RAB3GAP2: variants seen among roughly 807,000 people sequenced by gnomAD.
The protein encoded by RAB3GAP2 is RAB3 GTPase activating non-catalytic protein subunit 2, also known as rab3 GTPase-activating protein non-catalytic subunit.
A neutral mutation model predicts 185.3 loss-of-function variants in RAB3GAP2; 87 were observed. That is an observed-to-expected ratio of 0.47 (90% CI 0.39 to 0.56). RAB3GAP2 has a LOEUF of 0.56. RAB3GAP2 is among the 20% of genes least tolerant of loss of function. The pLI is 0.00. For missense variants in RAB3GAP2, 1,492 were observed against 1,638.2 expected (o/e 0.91, Z 1.54); for synonymous variants, 554 against 576.1 (o/e 0.96, Z 0.55).
At chr1:220,210,578 A>G (rs953740448) in intron 6 of RAB3GAP2, 89 bp from the exon 7 acceptor site, 3 of 1,111,392 alleles carry the variant, frequency 2.7e-6, no homozygotes, top group Admixed American at 3.4e-5. Context: ...CATTTCCCCA[A>G]CAGTTTTCCA....
rs770096510 is a variant in RAB3GAP2 at position 220,196,262 on chromosome 1, G to T, written c.948C>A (p.Phe316Leu). Reference sequence around the variant, plus strand: ...ATAAAACTCATACCTCTAAAGCATAGAAGAAGCCAGTAAATGGATTGGACC... The same window carrying T: ...ATAAAACTCATACCTCTAAAGCATATAAGAAGCCAGTAAATGGATTGGACC... ...TVGSNPFTGF[F>L]YALEGSTQPL... The change falls in exon 10 of 35, where the codon TTC becomes TTA. Residue 316 changes from phenylalanine to leucine, a missense_variant. By Grantham distance (22) the Phe-to-Leu change is conservative. Coordinates refer to ENST00000358951, the MANE Select transcript of RAB3GAP2 (RefSeq NM_012414.4). 6.2e-7 allele frequency: 1 copy of T among 1,613,244 alleles called. No homozygotes were observed. Among genetic ancestry groups the T allele is most frequent in the Non-Finnish European group, 8.5e-7 (1 of 1,179,342 alleles).
At chr1:220,189,635 T>C (rs2102868834) in intron 17 of RAB3GAP2, 68 bp downstream of exon 17, 2 of 1,411,342 alleles carry the variant, frequency 1.4e-6, no homozygotes, top group Middle Eastern at 1.9e-4. Context: ...AATAGGAAAA[T>C]AAAGATTTTC....
intron 9 of RAB3GAP2, chr1:220,200,583 T>G (rs1448014923): frequency 1.9e-6 from 1 of 530,050 alleles, no homozygotes; most frequent in African/African-American, 1.9e-5. Context: ...AATAATAGTT[T>G]CTATCCAATC....
rs1255369164 is a variant in RAB3GAP2 at position 220,185,646 on chromosome 1, A to T, written c.1870+5T>A. The T allele has an allele frequency of 1.9e-6, 3 of 1,598,068 alleles. No homozygotes were observed. The highest frequency in any genetic ancestry group is 4.5e-5 in the East Asian group (2 of 44,680). ...ATAACCTCCAATCAGTACAAACCCT[A>T]TTACCTTGACTTTTTAAAGTGTCCA... On this transcript the variant is annotated splice_donor_5th_base_variant and intron_variant, in intron 18 of 34. Transcript: ENST00000358951.
At chr1:220,225,104 A>T (rs1030574491) in intron 2 of RAB3GAP2, among the ~76,000 whole-genome samples, 1 of 152,238 alleles carries the variant, frequency 6.6e-6, no homozygotes, top group African/African-American at 2.4e-5. Flanking sequence ...GTTATAAACA[A>T]GAGAAAGGAA....
chr1:220,272,248 G>A lies in RAB3GAP2; in HGVS notation c.90C>T (p.Leu30=). 6.2e-7 allele frequency: 1 copy of A among 1,610,102 alleles called. No individual in the cohort carries two copies. Among genetic ancestry groups the A allele is most frequent in the Non-Finnish European group, 8.5e-7 (1 of 1,178,902 alleles). ...TGGGGTCCCTCCGCAAGGCGCCGCT[G>A]AGGATCTCCTCCCGCAGGTGAGGAA... The part of the protein sequence containing the change: ...FLFPHLREEI[L]SGALRRDPSK... The change falls in exon 1 of 35, where the codon CTC becomes CTT. Residue 30 remains leucine (L), a synonymous_variant. Coordinates refer to ENST00000358951, the MANE Select transcript of RAB3GAP2 (RefSeq NM_012414.4).
At position 220,213,993 on chromosome 1, in the gene RAB3GAP2, T is replaced by C. The variant is rs1237503051; in HGVS notation, c.181-14A>G. The C allele has an allele frequency of 6.2e-7, 1 of 1,612,636 alleles. No homozygotes were observed. Among genetic ancestry groups the C allele is most frequent in the East Asian group, 2.2e-5 (1 of 44,760 alleles). ...TCCTTCTTCTTCCTGTGGGTAAAAC[T>C]ACAATTACTGCATATGCAAAAATAC... On this transcript the variant is annotated splice_polypyrimidine_tract_variant and intron_variant, in intron 2 of 34. Transcript: ENST00000358951.
In RAB3GAP2 at chr1:220,149,744, A is replaced by C. The variant is rs1324295643; in HGVS notation, c.*1507T>G. On this transcript the variant is annotated 3_prime_UTR_variant, in exon 35 of 35. Coordinates refer to ENST00000358951, the MANE Select transcript of RAB3GAP2 (RefSeq NM_012414.4). ...CCATCCCAAATACTCAAGACATCTTAACCATTTATCTTGTAAGATTTCAAG... is the reference window on the plus strand; with the variant it reads ...CCATCCCAAATACTCAAGACATCTTCACCATTTATCTTGTAAGATTTCAAG... 2 of 152,230 alleles carry C rather than the reference A, an allele frequency of 1.3e-5. No individual in the cohort carries two copies. Among genetic ancestry groups the C allele is most frequent in the African/African-American group, 4.8e-5 (2 of 41,450 alleles). The allele number at this position is 152,230 out of a possible 1,614,324, so 9.4% of individuals were successfully genotyped here. A position where few individuals can be genotyped will look rare whatever the true frequency, so the allele number is the denominator to read the frequency against.
At chr1:220,174,208 T>C (rs548380758) in intron 21 of RAB3GAP2, among the ~76,000 whole-genome samples, 1 of 152,212 alleles carries the variant, frequency 6.6e-6, no homozygotes, top group African/African-American at 2.4e-5. Flanking sequence ...TACATGTACA[T>C]ATAAATTTAT....
At chr1:220,173,563 G>T (rs1658218881) in intron 21 of RAB3GAP2, among the ~76,000 whole-genome samples, 1 of 152,234 alleles carries the variant, frequency 6.6e-6, no homozygotes, top group South Asian at 2.1e-4. Flanking sequence ...AGAAGCACAT[G>T]AAAGAAGTGA....
intron 9 of RAB3GAP2, among the ~76,000 whole-genome samples, chr1:220,200,916 A>G (rs1658843701): frequency 6.6e-6 from 1 of 152,194 alleles, no homozygotes; most frequent in African/African-American, 2.4e-5. Flanking sequence ...CAGAGGAGGC[A>G]TTCTAGCCCA....
At chr1:220,223,588 A>G (rs1006514001) in intron 2 of RAB3GAP2, among the ~76,000 whole-genome samples, 4 of 152,136 alleles carry the variant, frequency 2.6e-5, no homozygotes, top group African/African-American at 4.8e-5. Flanking sequence ...GGAGTCAACA[A>G]TTTCAAATAC....
At position 220,190,484 on chromosome 1, in the gene RAB3GAP2, AT is replaced by A; in HGVS notation, c.1523del (p.Asn508IlefsTer25). ...GCTGCCAACTCTGACTGGTAACATTATTTAAACCCATTATTTTATAGCCAGG... is the reference window on the plus strand; with the variant it reads ...GCTGCCAACTCTGACTGGTAACATTATTAAACCCATTATTTTATAGCCAGG... ...LYPGYKIMGLNNVTSQSWQPQ... is the reference protein window; with the variant it reads ...LYPGYKIMGLXNVTSQSWQPQ... On this transcript the variant is annotated frameshift_variant, in exon 15 of 35. Transcript: ENST00000358951. LOFTEE classifies it high-confidence loss of function. 1 of 1,605,840 alleles carries A rather than the reference AT, an allele frequency of 6.2e-7. No homozygotes were observed. Among genetic ancestry groups the A allele is most frequent in the Non-Finnish European group, 8.5e-7 (1 of 1,172,476 alleles).
intron 21 of RAB3GAP2, among the ~76,000 whole-genome samples, chr1:220,178,173 C>G (rs1342026463): frequency 1.3e-5 from 2 of 151,998 alleles, no homozygotes; most frequent in Non-Finnish European, 2.9e-5. Context: ...AAACTGCCAC[C>G]TAAAAATACT....
At chr1:220,205,172 G>A (rs1427834578) in intron 8 of RAB3GAP2, among the ~76,000 whole-genome samples, 1 of 152,074 alleles carries the variant, frequency 6.6e-6, no homozygotes, top group Non-Finnish European at 1.5e-5. Context: ...TACAATCAAT[G>A]GCATGTTGAA....
At chr1:220,265,720 T>A (rs1660215984) in intron 1 of RAB3GAP2, among the ~76,000 whole-genome samples, 1 of 151,550 alleles carries the variant, frequency 6.6e-6, no homozygotes, top group Admixed American at 6.6e-5. Context: ...AGCCCAGGAG[T>A]TCAAGACCTG....
rs775556865 is a variant in RAB3GAP2, at chr1:220,212,945, C to T, written c.328G>A (p.Gly110Arg). ...ACAGCAAATTGCATTTCTTCCTTTCCTTTATCACTATATTTCCATTTTGCT... is the reference window on the plus strand; with the variant it reads ...ACAGCAAATTGCATTTCTTCCTTTCTTTTATCACTATATTTCCATTTTGCT... ...LVPKWKYSDK[G>R]KEEMQFAVGW... is the part of the protein sequence containing the mutation. Residue 110 changes from glycine (G) to arginine (R), a missense_variant, in exon 4 of 35, where the codon GGA becomes AGA. Gly to Arg is a moderately radical substitution (Grantham distance 125). This residue lies in a region of RAB3GAP2 where 177 missense variants were observed against 160.6 expected (regional missense o/e 1.10). Transcript: ENST00000358951. The T allele has an allele frequency of 9.9e-6, 16 of 1,612,474 alleles. No homozygotes were observed. Among genetic ancestry groups the T allele is most frequent in the Non-Finnish European group, 1.4e-5 (16 of 1,178,884 alleles).
At position 220,189,890 on chromosome 1, in the gene RAB3GAP2, TTAA is replaced by T. The variant is rs1218574262; in HGVS notation, c.1715-126_1715-124del. 8 of 1,087,076 alleles carry T rather than the reference TTAA, an allele frequency of 7.4e-6. No homozygotes were observed. The African/African-American group carries it at 8.0e-5, about 11-fold the overall frequency. The allele number at this position is 1,087,076 out of a possible 1,614,324, so 67.3% of individuals were successfully genotyped here. A position where few individuals can be genotyped will look rare whatever the true frequency, so the allele number is the denominator to read the frequency against. On this transcript the variant is annotated intron_variant, in intron 16 of 34. Transcript: ENST00000358951. ...TAAAGGATTTTTGGGTTCTCTCACATTAATGTTTTCTTGTTATGAATTATAACA... is the reference window on the plus strand; with the variant it reads ...TAAAGGATTTTTGGGTTCTCTCACATTGTTTTCTTGTTATGAATTATAACA...
Position 220,163,765 on chromosome 1 carries a change from A to G in RAB3GAP2, c.3154+968T>C, listed in dbSNP as rs144044237. Among the ~76,000 whole-genome samples, 219 of 143,618 alleles carry G rather than the reference A, an allele frequency of 1.5e-3. 2 individuals are homozygous for G. Among genetic ancestry groups the G allele is most frequent in the African/African-American group, 5.7e-3 (215 of 37,936 alleles). 94.2% of individuals were successfully genotyped at this position (143,618 alleles called of 152,430 possible). ...CATACATATATATATATATATATAT[A>G]TATATATAGGATGAAGGTAAGATCT... On this transcript the variant is annotated intron_variant, in intron 27 of 34. Coordinates refer to ENST00000358951, the MANE Select transcript of RAB3GAP2 (RefSeq NM_012414.4).
Sources: allele counts gnomAD v4.1 joint callset (sites outside exome capture counted in the v4.1 genomes callset), GRCh38; gene constraint gnomAD v4.1.1; regional missense constraint gnomAD v4.1.1; transcripts MANE v1.5; gene names NCBI Gene and HGNC (gene_info 2026-07-23, HGNC 2026-07-21).